The following VPS8 variants were observed in gnomAD, a reference collection of about 807,000 sequenced individuals.
VPS8 encodes the protein VPS8 subunit of CORVET complex, also known as vacuolar protein sorting-associated protein 8 homolog.
VPS8 carries 129 observed loss-of-function variants against 216.4 expected under a neutral mutation model. The observed-to-expected ratio is 0.60, with a 90% CI of 0.52 to 0.69. VPS8 has a LOEUF of 0.69. Ranked by LOEUF, VPS8 falls within the 30% of genes least tolerant of loss-of-function variation. VPS8 has a pLI of 0.00. For missense variants in VPS8, 1,531 were observed against 1,683.5 expected (o/e 0.91, Z 1.59); for synonymous variants, 571 against 565.4 (o/e 1.01, Z -0.14).
chr3:185,047,359 T>C (rs917815781), intron 46 of VPS8, among the ~76,000 whole-genome samples: 1 of 144,292 alleles, frequency 6.9e-6, no homozygotes, highest in Non-Finnish European at 1.5e-5. Context: ...TATCCCCATG[T>C]GAGCAAAAAC....
At position 184,849,084 on chromosome 3, in the gene VPS8, T is replaced by G. The variant is rs751234905; in HGVS notation, c.555T>G (p.Ala185=). 208 of 1,613,192 alleles carry G rather than the reference T, an allele frequency of 1.3e-4. No homozygotes were observed. The highest frequency in any genetic ancestry group is 1.6e-4 in the Non-Finnish European group (193 of 1,179,386). Residue 185 remains alanine, a synonymous_variant, in exon 9 of 48, where the codon GCT becomes GCG. Transcript: ENST00000625842. ...ALIFGKDQNQ[A]LRLCLGSTSV... ...TGCTTTCTTTAGATCAGAATCAAGCTTTGCGACTCTGTCTGGGTAGCACTA... is the reference window on the plus strand; with the variant it reads ...TGCTTTCTTTAGATCAGAATCAAGCGTTGCGACTCTGTCTGGGTAGCACTA...
At chr3:184,923,514 C>T (rs1739030643) in intron 29 of VPS8, among the ~76,000 whole-genome samples, 1 of 152,096 alleles carries the variant, frequency 6.6e-6, no homozygotes, top group African/African-American at 2.4e-5. Flanking sequence ...TTTCTTTCTT[C>T]TGTTAATTTT....
Position 184,929,633 on chromosome 3 carries a change from T to G in VPS8, c.2768T>G (p.Ile923Ser). Residue 923 changes from isoleucine (I) to serine (S), a missense_variant, in exon 33 of 48, where the codon ATT (isoleucine) becomes AGT (serine). Transcript: ENST00000625842. ...AGAGAACACCAATATGATAAAATTATTGATTGCTACTTACGTGACCCTCTG... is the reference window on the plus strand; with the variant it reads ...AGAGAACACCAATATGATAAAATTAGTGATTGCTACTTACGTGACCCTCTG... The part of the protein sequence containing the change: ...YEREHQYDKI[I>S]DCYLRDPLRE... The G allele has an allele frequency of 6.5e-7, 1 of 1,531,282 alleles. No individual in the cohort carries two copies. The highest frequency in any genetic ancestry group is 8.8e-7 in the Non-Finnish European group (1 of 1,134,686). 94.9% of individuals were successfully genotyped at this position (1,531,282 alleles called of 1,614,324 possible).
intron 42 of VPS8, among the ~76,000 whole-genome samples, chr3:184,987,615 T>C (rs972909467): frequency 5.3e-5 from 8 of 152,250 alleles, no homozygotes; most frequent in African/African-American, 1.4e-4. Context: ...TCCACAGTTT[T>C]GTCTATCCAC....
intron 29 of VPS8, among the ~76,000 whole-genome samples, chr3:184,921,151 A>G (rs1003829825): frequency 7.9e-5 from 12 of 152,162 alleles, no homozygotes; most frequent in African/African-American, 1.9e-4. Context: ...ATGGCTTCCT[A>G]TTGGTCATTT....
chr3:184,942,055 A>G (rs1276844118), intron 36 of VPS8, among the ~76,000 whole-genome samples: 1 of 152,118 alleles, frequency 6.6e-6, no homozygotes, highest in Non-Finnish European at 1.5e-5. Context: ...TATGCTCTAA[A>G]CTTTTTGAAT....
chr3:184,949,129 AACTCTATCTCT>A (rs1470529709), intron 36 of VPS8, among the ~76,000 whole-genome samples: 1 of 151,992 alleles, frequency 6.6e-6, no homozygotes, highest in African/African-American at 2.4e-5. Flanking sequence ...AACACAGTGA[AACTCTATCTCT>A]ATAAAAATTA....
intron 45 of VPS8, among the ~76,000 whole-genome samples, chr3:185,016,812 T>C (rs150919245): frequency 2.6e-3 from 396 of 152,322 alleles, no homozygotes; most frequent in African/African-American, 9.2e-3. Context: ...AATTGTTCAG[T>C]AACTAATTTC....
At chr3:185,046,877 C>T (rs926514570) in intron 46 of VPS8, among the ~76,000 whole-genome samples, 3 of 152,144 alleles carry the variant, frequency 2.0e-5, no homozygotes, top group African/African-American at 7.2e-5. Flanking sequence ...TTGGTCACAA[C>T]GCCAGTGATA....
chr3:184,894,686 C>T lies in VPS8; in HGVS notation c.1782-17C>T, dbSNP rs1257537980. On this transcript the variant is annotated splice_polypyrimidine_tract_variant and intron_variant, in intron 22 of 47. Transcript: ENST00000625842. ...GGCATGTTCCTAAAAGTTTTTCTCC[C>T]CCCCTTTCTGTTACAGGGATCTTTT... 1 of 1,563,688 alleles carries T rather than the reference C, an allele frequency of 6.4e-7. No homozygotes were observed. The highest frequency in any genetic ancestry group is 8.7e-7 in the Non-Finnish European group (1 of 1,151,278).
chr3:185,041,962 T>C (rs1711744718), intron 46 of VPS8, among the ~76,000 whole-genome samples: 1 of 151,904 alleles, frequency 6.6e-6, no homozygotes. Flanking sequence ...GAGGAGGAGA[T>C]GAATGTGAAA....
At chr3:184,896,015 G>T (rs1364061467) in intron 23 of VPS8, among the ~76,000 whole-genome samples, 1 of 152,042 alleles carries the variant, frequency 6.6e-6, no homozygotes, top group Non-Finnish European at 1.5e-5. Flanking sequence ...TCTTGAGCTT[G>T]AATATGGAAG....
chr3:185,018,307 TA>T (rs1443912932), intron 45 of VPS8, among the ~76,000 whole-genome samples: 5 of 152,252 alleles, frequency 3.3e-5, no homozygotes, highest in African/African-American at 1.2e-4. Context: ...AAAATCTGCA[TA>T]CGGTTCTTTC....
At chr3:185,040,223 A>G (rs559250448) in intron 46 of VPS8, among the ~76,000 whole-genome samples, 77 of 152,282 alleles carry the variant, frequency 5.1e-4, no homozygotes, top group African/African-American at 1.9e-3. Context: ...AGGGAACAAC[A>G]TCCACACTAT....
chr3:184,927,256 A>C (rs554023168), intron 31 of VPS8, among the ~76,000 whole-genome samples: 1 of 152,200 alleles, frequency 6.6e-6, no homozygotes, highest in Non-Finnish European at 1.5e-5. Flanking sequence ...TTTTGTATTG[A>C]TAGCCAGATT....
At position 184,898,546 on chromosome 3, in the gene VPS8, T is replaced by G. The variant is rs572595797; in HGVS notation, c.2005-19T>G. The G allele has an allele frequency of 1.3e-6, 2 of 1,536,840 alleles. No individual in the cohort carries two copies. Among genetic ancestry groups the G allele is most frequent in the South Asian group, 2.4e-5 (2 of 83,144 alleles). On this transcript the variant is annotated intron_variant, in intron 23 of 47. Transcript: ENST00000625842. ...TGGTGACTGAATTGTATGGACCAAG[T>G]GGCTTTTCCTTTTCACAGGTAGTTC...
intron 45 of VPS8, among the ~76,000 whole-genome samples, chr3:185,005,624 A>C (rs1009198947): frequency 7.0e-6 from 1 of 141,990 alleles, no homozygotes; most frequent in Non-Finnish European, 1.5e-5. Flanking sequence ...TATTTTATTT[A>C]TTTTATTTAT....
At chr3:184,926,770 C>CGAA (rs1175786013) in intron 31 of VPS8, 120 bp downstream of exon 31, 1 of 968,602 alleles carries the variant, frequency 1.0e-6, no homozygotes, top group African/African-American at 1.7e-5. Context: ...AACCCTAATA[C>CGAA]GAAGTTAGAG....
intron 37 of VPS8, among the ~76,000 whole-genome samples, chr3:184,960,634 G>T (rs1477824680): frequency 1.3e-5 from 2 of 152,130 alleles, no homozygotes; most frequent in African/African-American, 4.8e-5. Flanking sequence ...AGATAAGCTG[G>T]TGTATTCTCT....
Sources: allele counts gnomAD v4.1 joint callset (sites outside exome capture counted in the v4.1 genomes callset), GRCh38; gene constraint gnomAD v4.1.1; transcripts MANE v1.5; gene names NCBI Gene and HGNC (gene_info 2026-07-23, HGNC 2026-07-21).